ARMH4: variants seen among roughly 807,000 people sequenced by gnomAD.
ARMH4 encodes armadillo like helical domain containing 4.
Under a neutral mutation model 61.9 loss-of-function variants are expected in ARMH4, and 49 were observed. That is an observed-to-expected ratio of 0.79 (90% CI 0.63 to 1.00). The LOEUF is 1.00. Among genes scored for constraint, ARMH4 ranks in the 50% least tolerant of loss-of-function variants. The probability of loss-of-function intolerance (pLI) is 0.00; values close to 1 mark genes in which losing one functional copy is unlikely to be tolerated. For synonymous variants in ARMH4, 368 were observed against 341.5 expected, an observed-to-expected ratio of 1.08 and a Z score of -0.85; for missense variants, 934 against 930.0, an observed-to-expected ratio of 1.00 and a Z score of -0.06.
chr14:58,017,212 G>A (rs1224110172), intron 5 of ARMH4, among the ~76,000 whole-genome samples: 1 of 152,132 alleles, frequency 6.6e-6, no homozygotes, highest in Admixed American at 6.5e-5. Flanking sequence ...TACTCGGGAG[G>A]CTGAGGTGAG....
At chr14:58,054,907 T>C (rs1286873642) in intron 5 of ARMH4, among the ~76,000 whole-genome samples, 1 of 150,466 alleles carries the variant, frequency 6.6e-6, no homozygotes, top group East Asian at 1.9e-4. Context: ...ATAATAATAA[T>C]AATGTTCCAT....
chr14:58,019,705 C>T (rs1447261229), intron 5 of ARMH4, among the ~76,000 whole-genome samples: 2 of 152,080 alleles, frequency 1.3e-5, no homozygotes, highest in African/African-American at 4.8e-5. Context: ...GCAGGAGAAT[C>T]GCTTGAACCC....
chr14:58,043,899 G>C (rs1883822830), intron 5 of ARMH4, among the ~76,000 whole-genome samples: 1 of 152,088 alleles, frequency 6.6e-6, no homozygotes, highest in African/African-American at 2.4e-5. Context: ...AACTTACAAG[G>C]GATGTGAAGG....
rs1194789637 is a variant in ARMH4, at chr14:58,034,393, C to G, written c.2090-22243G>C. Among the ~76,000 whole-genome samples, 26 of 117,308 alleles carry G rather than the reference C, an allele frequency of 2.2e-4. 4 individuals carry two copies. Among genetic ancestry groups the G allele is most frequent in the Non-Finnish European group, 3.2e-4 (17 of 53,112 alleles). 77.0% of individuals were successfully genotyped at this position (117,308 alleles called of 152,430 possible). A position where few individuals can be genotyped will look rare whatever the true frequency, so the allele number is the denominator to read the frequency against. On this transcript the variant is annotated intron_variant, in intron 5 of 7. Transcript: ENST00000267485. ...CCACCAGGCCTGCCCTAAAAGAGCTCCTGAAGGAAGCGCTAAACATGGAAA... is the reference window on the plus strand; with the variant it reads ...CCACCAGGCCTGCCCTAAAAGAGCTGCTGAAGGAAGCGCTAAACATGGAAA...
At chr14:58,057,553 GGT>G (rs1247439344) in intron 5 of ARMH4, among the ~76,000 whole-genome samples, 6 of 140,828 alleles carry the variant, frequency 4.3e-5, no homozygotes, top group Admixed American at 2.8e-4. Context: ...TCTTCCAAAG[GGT>G]GTGTGTGTGT....
chr14:58,065,221 A>G (rs2141219659), intron 5 of ARMH4, among the ~76,000 whole-genome samples: 1 of 152,296 alleles, frequency 6.6e-6, no homozygotes, highest in South Asian at 2.1e-4. Context: ...CAGCCTGACA[A>G]CAGAGTGAGA....
rs756621509 is a variant in ARMH4, at chr14:58,133,349, G to A, written c.1370-8C>T. The A allele has an allele frequency of 5.6e-6, 9 of 1,600,496 alleles. No individual in the cohort carries two copies. The highest frequency in any genetic ancestry group is 6.8e-6 in the Non-Finnish European group (8 of 1,174,428). On this transcript the variant is annotated splice_region_variant and splice_polypyrimidine_tract_variant and intron_variant, in intron 2 of 7. Coordinates refer to ENST00000267485, the MANE Select transcript of ARMH4 (RefSeq NM_001001872.4). The stretch of plus-strand genomic sequence containing the variant: ...TCTCTTGAGTGATGATGTCTTAAAG[G>A]GGGGAAAACATTTAAAAATAGACCA...
chr14:58,076,159 C>G (rs1339781234), intron 5 of ARMH4, among the ~76,000 whole-genome samples: 1 of 151,886 alleles, frequency 6.6e-6, no homozygotes, highest in Non-Finnish European at 1.5e-5. Flanking sequence ...TTATTTTTGT[C>G]GTTGTTGAAG....
chr14:58,026,640 T>A (rs1176849528), intron 5 of ARMH4, among the ~76,000 whole-genome samples: 1 of 152,172 alleles, frequency 6.6e-6, no homozygotes, highest in Admixed American at 6.6e-5. Flanking sequence ...CCAGATCTGC[T>A]GAATCAAAAA....
chr14:58,146,378 A>C (rs986646616), intron 1 of ARMH4, among the ~76,000 whole-genome samples: 14 of 152,204 alleles, frequency 9.2e-5, no homozygotes, highest in Non-Finnish European at 1.5e-4. Context: ...TTTTCACTGT[A>C]TCTCTCCATG....
chr14:58,014,028 A>AAAAGAAAGAAAGAAAGAAAGAAAGAAAG (rs34882144), intron 5 of ARMH4, among the ~76,000 whole-genome samples: 9 of 150,338 alleles, frequency 6.0e-5, no homozygotes, highest in African/African-American at 2.2e-4. Context: ...CATCTCAAAA[A>AAAAGAAAGAAAGAAAGAAAGAAAGAAAG]AAAGAAAGAA....
intron 5 of ARMH4, among the ~76,000 whole-genome samples, chr14:58,029,388 C>A (rs536774080): frequency 3.4e-4 from 52 of 152,274 alleles, no homozygotes; most frequent in African/African-American, 1.1e-3. Context: ...CATGTGTCAC[C>A]ATGCCCAGCT....
intron 5 of ARMH4, among the ~76,000 whole-genome samples, chr14:58,073,461 A>G (rs949098912): frequency 6.6e-6 from 1 of 152,100 alleles, no homozygotes; most frequent in Non-Finnish European, 1.5e-5. Flanking sequence ...ATTACTGAAC[A>G]CCTATTCTGG....
intron 5 of ARMH4, among the ~76,000 whole-genome samples, chr14:58,088,732 A>G (rs1885461659): frequency 6.6e-6 from 1 of 152,224 alleles, no homozygotes; most frequent in African/African-American, 2.4e-5. Flanking sequence ...GCTTTCCGGG[A>G]AAATTAAATC....
intron 6 of ARMH4, among the ~76,000 whole-genome samples, chr14:58,008,073 G>GA (rs1379599531): frequency 1.3e-5 from 2 of 152,126 alleles, no homozygotes; most frequent in African/African-American, 4.8e-5. Flanking sequence ...TGGGTTTGTT[G>GA]AAAAAACTGA....
chr14:58,062,667 A>T (rs1251494173), intron 5 of ARMH4, among the ~76,000 whole-genome samples: 1 of 152,224 alleles, frequency 6.6e-6, no homozygotes, highest in Non-Finnish European at 1.5e-5. Flanking sequence ...TTTAATCCTG[A>T]CAGCAGCCCC....
At chr14:58,074,609 A>G (rs1884986203) in intron 5 of ARMH4, among the ~76,000 whole-genome samples, 1 of 152,100 alleles carries the variant, frequency 6.6e-6, no homozygotes, top group Non-Finnish European at 1.5e-5. Context: ...CCAACCACCA[A>G]TATGACATCA....
At chr14:58,068,737 T>C (rs1884785528) in intron 5 of ARMH4, among the ~76,000 whole-genome samples, 1 of 152,138 alleles carries the variant, frequency 6.6e-6, no homozygotes, top group Non-Finnish European at 1.5e-5. Flanking sequence ...CCACGCGCGG[T>C]GGCTCACACC....
At chr14:58,029,278 G>C (rs1243544955) in intron 5 of ARMH4, among the ~76,000 whole-genome samples, 1 of 151,722 alleles carries the variant, frequency 6.6e-6, no homozygotes, top group East Asian at 1.9e-4. Flanking sequence ...TTGTTGCCCA[G>C]GTTGGAGTGC....
Sources: allele counts gnomAD v4.1 joint callset (sites outside exome capture counted in the v4.1 genomes callset), GRCh38; gene constraint gnomAD v4.1.1; transcripts MANE v1.5; gene names NCBI Gene and HGNC (gene_info 2026-07-23, HGNC 2026-07-21).